TEKT5: variants seen among roughly 807,000 people sequenced by gnomAD.
The protein encoded by TEKT5 is tektin-5.
In TEKT5, 52 loss-of-function variants were observed where a neutral mutation model predicts 48.7. The observed-to-expected ratio is 1.07, with a 90% CI of 0.86 to 1.35. The LOEUF (loss-of-function observed/expected upper bound fraction) is 1.35, where lower values mean the gene tolerates loss of function less well. Among genes scored for constraint, TEKT5 ranks in the 40% most tolerant of loss-of-function variants. The probability of loss-of-function intolerance (pLI) is 0.00; values close to 1 mark genes in which losing one functional copy is unlikely to be tolerated. For missense variants in TEKT5, 831 were observed against 641.6 expected (o/e 1.30, Z -3.19); for synonymous variants, 318 against 267.6 (o/e 1.19, Z -1.84).
intron 5 of TEKT5, among the ~76,000 whole-genome samples, chr16:10,661,011 TTTC>T (rs1483257312): frequency 1.3e-5 from 2 of 152,164 alleles, no homozygotes; most frequent in South Asian, 4.1e-4. Flanking sequence ...TGTTTTGTTT[TTTC>T]TTCTTCAAGT....
Position 10,694,396 on chromosome 16 carries a change from C to T in TEKT5, c.478G>A (p.Asp160Asn), listed in dbSNP as rs1311954647. ...FWKSELSYEL[D>N]RLLTENQNLE... is the part of the protein sequence containing the mutation. Reference sequence around the variant, plus strand: ...TTCTGGTTCTCAGTCAGAAGCCTGTCCAGCTCATAGCTCAGCTCTGACTTC... The same window carrying T: ...TTCTGGTTCTCAGTCAGAAGCCTGTTCAGCTCATAGCTCAGCTCTGACTTC... Residue 160 changes from aspartate to asparagine, a missense_variant, in exon 1 of 7, where the codon GAC becomes AAC. Physicochemically the swap from Asp to Asn is conservative, Grantham distance 23. Coordinates refer to ENST00000283025, the MANE Select transcript of TEKT5 (RefSeq NM_144674.2). 1.2e-6 allele frequency: 2 copies of T among 1,614,042 alleles called. No homozygotes were observed. The highest frequency in any genetic ancestry group is 2.7e-5 in the African/African-American group (2 of 74,930).
rs554746909 is a variant in TEKT5, at chr16:10,675,951, C to G, written c.1086+8G>C. ...GAGAAGGCAGGGGTCCTGGGAGGAT[C>G]TGCTCACCTTCGCCAGCTGCGTCTG... On this transcript the variant is annotated splice_region_variant and intron_variant, in intron 5 of 6. Coordinates refer to ENST00000283025, the MANE Select transcript of TEKT5 (RefSeq NM_144674.2). 1.2e-5 allele frequency: 20 copies of G among 1,613,956 alleles called. No homozygotes were observed. The South Asian group carries it at 2.1e-4, about 17-fold the overall frequency.
chr16:10,661,258 C>G (rs1039764139), intron 5 of TEKT5, among the ~76,000 whole-genome samples: 2 of 152,114 alleles, frequency 1.3e-5, no homozygotes, highest in Non-Finnish European at 2.9e-5. Context: ...AATCACAATC[C>G]CCCAAAGCTG....
chr16:10,689,299 G>C lies in TEKT5; in HGVS notation c.673C>G (p.Gln225Glu), dbSNP rs1208903679. The C allele has an allele frequency of 2.5e-6, 4 of 1,612,670 alleles. No individual in the cohort carries two copies. Among genetic ancestry groups the C allele is most frequent in the Non-Finnish European group, 3.4e-6 (4 of 1,179,688 alleles). Residue 225 changes from glutamine to glutamate, a missense_variant, in exon 3 of 7, where the codon CAA (glutamine) becomes GAA (glutamate). By Grantham distance (29) the Gln-to-Glu change is conservative. Transcript: ENST00000283025. Reference sequence around the variant, plus strand: ...TGAGCTAATTTTCTCATCTGTTCTTGGCAACATTTTAGCAAATCCACTTCC... The same window carrying C: ...TGAGCTAATTTTCTCATCTGTTCTTCGCAACATTTTAGCAAATCCACTTCC... ...IREVDLLKCCQEQMRKLAQRI... is the reference protein window; with the variant it reads ...IREVDLLKCCEEQMRKLAQRI...
chr16:10,651,779 G>T (rs1323119986), intron 5 of TEKT5, among the ~76,000 whole-genome samples: 5 of 152,122 alleles, frequency 3.3e-5, no homozygotes, highest in Non-Finnish European at 7.4e-5. Context: ...GACAAACATG[G>T]CGAAACCCCG....
intron 5 of TEKT5, among the ~76,000 whole-genome samples, chr16:10,639,580 A>G (rs1897962227): frequency 6.6e-6 from 1 of 152,250 alleles, no homozygotes; most frequent in South Asian, 2.1e-4. Flanking sequence ...GCAGCTTTCC[A>G]AGAGTCCCTA....
At chr16:10,648,084 C>A (rs1324054949) in intron 5 of TEKT5, among the ~76,000 whole-genome samples, 1 of 152,162 alleles carries the variant, frequency 6.6e-6, no homozygotes, top group Non-Finnish European at 1.5e-5. Context: ...TATTAAATGC[C>A]TTTGATGTAC....
chr16:10,682,143 G>A lies in TEKT5; in HGVS notation c.720-7C>T. On this transcript the variant is annotated splice_polypyrimidine_tract_variant and splice_region_variant and intron_variant, in intron 3 of 6. Coordinates refer to ENST00000283025, the MANE Select transcript of TEKT5 (RefSeq NM_144674.2). ...CTGAGCATCCCGGTTATCCCTGCAG[G>A]GAGGGAGGAGTCATTCCTGGACTAT... 3 of 1,613,722 alleles carry A rather than the reference G, an allele frequency of 1.9e-6. No homozygotes were observed. Among genetic ancestry groups the A allele is most frequent in the Non-Finnish European group, 2.5e-6 (3 of 1,179,774 alleles).
intron 5 of TEKT5, among the ~76,000 whole-genome samples, chr16:10,648,315 T>G (rs146140953): frequency 1.9e-3 from 291 of 152,008 alleles, no homozygotes; most frequent in African/African-American, 6.6e-3. Flanking sequence ...GCTTTTATTT[T>G]TATTTATCAT....
intron 5 of TEKT5, among the ~76,000 whole-genome samples, chr16:10,666,201 C>G (rs1356994247): frequency 6.6e-6 from 1 of 152,214 alleles, no homozygotes; most frequent in Non-Finnish European, 1.5e-5. Context: ...CACTCAGATT[C>G]TTCCTATCTT....
In TEKT5 at chr16:10,681,766, G is replaced by A. The variant is rs79731340; in HGVS notation, c.863+227C>T. ...CCTACTGCCAGAACCTTTCCTTCCC[G>A]CTTTCCCCTTGAGTTCGTGGCTCCC... On this transcript the variant is annotated intron_variant, in intron 4 of 6. Coordinates refer to ENST00000283025, the MANE Select transcript of TEKT5 (RefSeq NM_144674.2). 4.2e-3 allele frequency among the ~76,000 whole-genome samples: 645 copies of A among 152,104 alleles called. 1 individual carries two copies. The highest frequency in any genetic ancestry group is 0.01 in the Middle Eastern group (3 of 294).
At chr16:10,667,910 C>T (rs1427344893) in intron 5 of TEKT5, among the ~76,000 whole-genome samples, 1 of 151,306 alleles carries the variant, frequency 6.6e-6, no homozygotes, top group Non-Finnish European at 1.5e-5. Flanking sequence ...TGGAGACTCG[C>T]TCTGTCGCCC....
At chr16:10,657,495 G>A (rs1898281655) in intron 5 of TEKT5, among the ~76,000 whole-genome samples, 1 of 152,132 alleles carries the variant, frequency 6.6e-6, no homozygotes, top group African/African-American at 2.4e-5. Flanking sequence ...AGAAATAGGA[G>A]TGAATCCAGT....
intron 4 of TEKT5, among the ~76,000 whole-genome samples, chr16:10,677,610 C>G (rs899589794): frequency 3.4e-5 from 5 of 145,946 alleles, no homozygotes; most frequent in African/African-American, 1.1e-4. Context: ...CCCTGTCCCC[C>G]CCAACAAAAA....
intron 6 of TEKT5, among the ~76,000 whole-genome samples, chr16:10,635,408 G>C (rs936342321): frequency 6.6e-6 from 1 of 152,106 alleles, no homozygotes; most frequent in East Asian, 1.9e-4. Flanking sequence ...CCTGGAGAGA[G>C]AAGGTAAAGC....
intron 2 of TEKT5, 137 bp downstream of exon 2, chr16:10,689,805 C>G (rs1472637664): frequency 1.7e-5 from 13 of 777,540 alleles, no homozygotes; most frequent in Non-Finnish European, 2.5e-5. Flanking sequence ...AGACCTCCAC[C>G]CATGCTTCCT....
chr16:10,687,763 A>AT (rs1898890290), intron 3 of TEKT5, among the ~76,000 whole-genome samples: 1 of 152,252 alleles, frequency 6.6e-6, no homozygotes, highest in Non-Finnish European at 1.5e-5. Context: ...AAACAAATAA[A>AT]TAAACAAATA....
intron 3 of TEKT5, among the ~76,000 whole-genome samples, chr16:10,688,058 A>G (rs140706733): frequency 2.7e-4 from 41 of 152,302 alleles, no homozygotes; most frequent in African/African-American, 9.9e-4. Context: ...GTTGTGCTTA[A>G]GGTTTTTTTA....
chr16:10,629,279 C>A (rs1343121929), intron 6 of TEKT5, among the ~76,000 whole-genome samples: 1 of 149,920 alleles, frequency 6.7e-6, no homozygotes, highest in South Asian at 2.1e-4. Context: ...GAGATGGAGT[C>A]TCGCCCTGTC....
Sources: gnomAD v4.1 joint callset for allele counts (sites outside exome capture counted in the v4.1 genomes callset) on GRCh38, gnomAD v4.1.1 for gene constraint, MANE v1.5 for transcripts, NCBI Gene and HGNC (gene_info 2026-07-23, HGNC 2026-07-21) for gene names.